Variants in C5 observed in about 807,000 individuals in gnomAD.
C5 encodes complement C5.
Under a neutral mutation model 218.8 loss-of-function variants are expected in C5, and 140 were observed. The observed-to-expected ratio is 0.64, with a 90% CI of 0.56 to 0.74. The LOEUF is 0.74. Ranked by LOEUF, C5 falls within the 30% of genes least tolerant of loss-of-function variation. C5 has a pLI of 0.00. For missense variants in C5, 1,700 were observed against 1,969.6 expected (o/e 0.86, Z 2.59); for synonymous variants, 614 against 682.3 (o/e 0.90, Z 1.56).
intron 20 of C5, among the ~76,000 whole-genome samples, chr9:121,002,253 T>TATATAC (rs2047172857): frequency 6.0e-5 from 3 of 49,672 alleles, no homozygotes; most frequent in East Asian, 1.1e-3. Flanking sequence ...TGTATATATA[T>TATATAC]GTATATATGT....
chr9:120,973,344 T>A (rs2046928745), intron 30 of C5, among the ~76,000 whole-genome samples: 1 of 152,136 alleles, frequency 6.6e-6, no homozygotes, highest in Non-Finnish European at 1.5e-5. Flanking sequence ...ACTCAGAACA[T>A]GAATCTCCGG....
At chr9:121,072,812 T>TAA in the C5 span, among the ~76,000 whole-genome samples, 22 of 98,604 alleles carry the variant, frequency 2.2e-4, no homozygotes, top group African/African-American at 5.6e-4. Context: ...TTCAAAAAAT[T>TAA]AAAAAAAAAA....
intron 15 of C5, among the ~76,000 whole-genome samples, chr9:121,015,505 C>A (rs1241087232): frequency 6.6e-6 from 1 of 152,048 alleles, no homozygotes; most frequent in African/African-American, 2.4e-5. Flanking sequence ...GGTTTTGAAT[C>A]CTGCAGCCTC....
chr9:120,961,520 T>C lies in C5; in HGVS notation c.4550A>G (p.Gln1517Arg). The change falls in exon 37 of 41, where the codon CAG becomes CGG. Residue 1517 changes from glutamine (Q) to arginine (R), a missense_variant. By Grantham distance (43) the Gln-to-Arg change is conservative (BLOSUM62 1). Coordinates refer to ENST00000223642, the MANE Select transcript of C5 (RefSeq NM_001735.3). ...MFYSTSNIKI[Q>R]KVCEGAACKC... ...GCACGCGGCTCCTTCACAGACTTTCTGAATTTTGATATTGGAAGTGCTATA... is the reference window on the plus strand; with the variant it reads ...GCACGCGGCTCCTTCACAGACTTTCCGAATTTTGATATTGGAAGTGCTATA... 1.2e-6 allele frequency: 2 copies of C among 1,613,356 alleles called. No homozygotes were observed. Among genetic ancestry groups the C allele is most frequent in the South Asian group, 1.1e-5 (1 of 91,074 alleles).
intron 12 of C5, among the ~76,000 whole-genome samples, 172 bp from the exon 13 acceptor site, chr9:121,018,024 G>A (rs530513769): frequency 2.3e-4 from 34 of 149,616 alleles, no homozygotes; most frequent in Non-Finnish European, 4.2e-4. Context: ...AGGCCGAGGT[G>A]GGCCGATCAC....
intron 4 of C5, among the ~76,000 whole-genome samples, chr9:121,036,439 T>C (rs1587994904): frequency 1.3e-5 from 2 of 152,336 alleles, no homozygotes; most frequent in South Asian, 4.1e-4. Flanking sequence ...AGTTCAACCA[T>C]GAAGACGTTG....
At chr9:121,035,646 T>C (rs2047517946) in intron 4 of C5, among the ~76,000 whole-genome samples, 1 of 151,628 alleles carries the variant, frequency 6.6e-6, no homozygotes, top group African/African-American at 2.4e-5. Context: ...CATAGCTCAC[T>C]GCAGCTTTGA....
Position 120,969,083 on chromosome 9 carries a change from T to G in C5, c.4198A>C (p.Lys1400Gln). Residue 1400 changes from lysine to glutamine, a missense_variant, in exon 33 of 41, where the codon AAA becomes CAA. By Grantham distance (53) the Lys-to-Gln change is moderately conservative (BLOSUM62 1). Transcript: ENST00000223642. ...CACCTGGCACATGCTACTATGCGTT[T>G]GTAATCAGAGTTTCCGTAGCCTCTG... ...HYRGYGNSDY[K>Q]RIVACASYKP... The G allele has an allele frequency of 6.2e-7, 1 of 1,614,068 alleles. No individual in the cohort carries two copies. The highest frequency in any genetic ancestry group is 1.1e-5 in the South Asian group (1 of 91,086).
the C5 span, among the ~76,000 whole-genome samples, chr9:121,056,427 T>C: frequency 1.3e-5 from 2 of 152,310 alleles, 1 homozygote; most frequent in South Asian, 4.1e-4. Flanking sequence ...TTAAATCAAA[T>C]GGAAATTCTG....
At chr9:120,992,193 A>T (rs1358143470) in intron 22 of C5, among the ~76,000 whole-genome samples, 2 of 152,384 alleles carry the variant, frequency 1.3e-5, no homozygotes, top group African/African-American at 4.8e-5. Flanking sequence ...TTGCAATTTA[A>T]TGGACAAGCC....
At chr9:121,005,816 TG>T (rs912110891) in intron 20 of C5, 102 bp downstream of exon 20, 1 of 1,151,324 alleles carries the variant, frequency 8.7e-7, no homozygotes, top group African/African-American at 1.5e-5. Flanking sequence ...ATTGCTGAAC[TG>T]AGTTGAACTT....
chr9:120,991,156 G>T, intron 23 of C5, 35 bp downstream of exon 23: 1 of 1,208,994 alleles, frequency 8.3e-7, no homozygotes, highest in Non-Finnish European at 1.2e-6. Context: ...AGCACCAAGT[G>T]AAATGAGAAA....
At chr9:121,004,012 G>T (rs2047194384) in intron 20 of C5, among the ~76,000 whole-genome samples, 1 of 152,056 alleles carries the variant, frequency 6.6e-6, no homozygotes, top group South Asian at 2.1e-4. Flanking sequence ...GGGACTACAG[G>T]CGCCTGCCAC....
intron 5 of C5, among the ~76,000 whole-genome samples, chr9:121,033,332 A>G (rs2047494047): frequency 6.6e-6 from 1 of 152,220 alleles, no homozygotes; most frequent in African/African-American, 2.4e-5. Context: ...TGTCATGAAG[A>G]AAATAAACAA....
intron 8 of C5, 123 bp downstream of exon 8, chr9:121,027,037 G>A (rs2047429923): frequency 4.3e-6 from 3 of 700,886 alleles, no homozygotes; most frequent in Admixed American, 2.1e-5. Flanking sequence ...GGAAGCCAAT[G>A]GAGGATTTTA....
At chr9:120,990,145 G>C (rs1478297462) in intron 23 of C5, among the ~76,000 whole-genome samples, 2 of 152,140 alleles carry the variant, frequency 1.3e-5, no homozygotes, top group Non-Finnish European at 2.9e-5. Flanking sequence ...AGGGAGTGCT[G>C]ACATGACTGT....
chr9:121,000,254 G>A (rs1270430934), intron 20 of C5, among the ~76,000 whole-genome samples: 1 of 151,970 alleles, frequency 6.6e-6, no homozygotes, highest in Admixed American at 6.6e-5. Context: ...CATAAATTCA[G>A]GACAATATGA....
intron 33 of C5, among the ~76,000 whole-genome samples, chr9:120,967,712 CT>C (rs2046879349): frequency 1.3e-5 from 2 of 151,764 alleles, no homozygotes; most frequent in South Asian, 4.1e-4. Flanking sequence ...CCTACATATT[CT>C]TTTCTTTTTC....
chr9:121,011,415 C>T (rs914153091), intron 17 of C5, among the ~76,000 whole-genome samples: 1 of 152,116 alleles, frequency 6.6e-6, no homozygotes, highest in African/African-American at 2.4e-5. Context: ...GCAATCAAAG[C>T]TACAATGAAA....
Sources: gnomAD v4.1 joint callset for allele counts (sites outside exome capture counted in the v4.1 genomes callset) on GRCh38, gnomAD v4.1.1 for gene constraint, MANE v1.5 for transcripts, NCBI Gene and HGNC (gene_info 2026-07-23, HGNC 2026-07-21) for gene names.